Variants in TENM1 observed in about 807,000 individuals in gnomAD.
The protein encoded by TENM1 is teneurin-1.
TENM1 carries 35 observed loss-of-function variants against 174.8 expected under a neutral mutation model. The observed-to-expected ratio is 0.20, with a 90% CI of 0.15 to 0.27. TENM1 has a LOEUF of 0.27. TENM1 is among the 10% of genes least tolerant of loss of function. TENM1 has a pLI of 1.00. For missense variants in TENM1, 1,633 were observed against 2,130.1 expected (o/e 0.77, Z 4.59); for synonymous variants, 781 against 798.7 (o/e 0.98, Z 0.37).
At chrX:124,588,562 G>A (rs1372585008) in intron 11 of TENM1, among the ~76,000 whole-genome samples, 2 of 108,734 alleles carry the variant, frequency 1.8e-5, no homozygotes, top group Non-Finnish European at 3.8e-5. Flanking sequence ...GGAGTGGGGA[G>A]GGATAGCTTT....
chrX:124,754,433 C>T (rs1332681346), intron 3 of TENM1, among the ~76,000 whole-genome samples: 1 of 111,422 alleles, frequency 9.0e-6, no homozygotes. Flanking sequence ...CCTATCAAAA[C>T]ACCAGCTCCT....
chrX:125,026,482 C>A, the TENM1 span, among the ~76,000 whole-genome samples: 1 of 111,600 alleles, frequency 9.0e-6, no homozygotes, highest in South Asian at 3.7e-4. Context: ...GAGAAATAAA[C>A]CCCTGTCTAT....
chrX:124,840,220 G>T lies in TENM1; in HGVS notation c.535+54076C>A, dbSNP rs191268930. Among the ~76,000 whole-genome samples, 1,079 of 111,479 alleles carry T rather than the reference G, an allele frequency of 9.7e-3. 11 individuals carry two copies. The highest frequency in any genetic ancestry group is 0.046 in the Middle Eastern group (10 of 217). ...GATGTCATTGGAACTTATAACATGA[G>T]ATTCTCTTATGGGCAAAAACCACTT... On this transcript the variant is annotated intron_variant, in intron 3 of 31. Coordinates refer to ENST00000422452, the Ensembl canonical transcript of TENM1.
intron 1 of TENM1, among the ~76,000 whole-genome samples, chrX:124,920,521 G>A (rs912749446): frequency 7.2e-5 from 8 of 111,140 alleles, no homozygotes; most frequent in Non-Finnish European, 1.5e-4. Context: ...TATTCTTTCT[G>A]TAAGATAAAT....
chrX:124,965,144 C>T (rs2058709583), upstream of TENM1, among the ~76,000 whole-genome samples: 2 of 111,809 alleles, frequency 1.8e-5, no homozygotes, highest in East Asian at 2.8e-4. Flanking sequence ...GTGGTGCGAT[C>T]TCGGCTCACT....
chrX:124,817,761 T>A (rs939241725), intron 3 of TENM1, among the ~76,000 whole-genome samples: 3 of 111,655 alleles, frequency 2.7e-5, no homozygotes, highest in Non-Finnish European at 5.6e-5. Context: ...AATGAGAGAG[T>A]TGGCAGAGGA....
chrX:124,813,017 CA>C (rs1245417650), intron 3 of TENM1, among the ~76,000 whole-genome samples: 1 of 110,485 alleles, frequency 9.1e-6, no homozygotes, highest in Non-Finnish European at 1.9e-5. Context: ...TGATAAAAGA[CA>C]AATAACAAAC....
intron 3 of TENM1, among the ~76,000 whole-genome samples, chrX:124,845,925 GC>G (rs1008667761): frequency 1.7e-4 from 19 of 110,277 alleles, no homozygotes; most frequent in African/African-American, 5.6e-4. Flanking sequence ...TAAAAGCTTT[GC>G]GTGAATATGC....
At chrX:124,782,715 G>C (rs2054942370) in intron 3 of TENM1, among the ~76,000 whole-genome samples, 1 of 109,715 alleles carries the variant, frequency 9.1e-6, no homozygotes, top group Non-Finnish European at 1.9e-5. Context: ...CTATGTCATA[G>C]CATTAACTAC....
exon 17 of TENM1, chrX:124,523,428 G>A: frequency 8.3e-7 from 1 of 1,211,637 alleles, no homozygotes; most frequent in Non-Finnish European, 1.1e-6. Context: ...GAGCGGTGAA[G>A]GAAGCACAAT....
the TENM1 span, among the ~76,000 whole-genome samples, chrX:125,036,187 G>A: frequency 1.9e-4 from 21 of 111,660 alleles, no homozygotes; most frequent in East Asian, 4.3e-3. Context: ...TTGGCACTTC[G>A]TCAAAATTTT....
chrX:125,023,234 T>C, the TENM1 span, among the ~76,000 whole-genome samples: 1 of 111,267 alleles, frequency 9.0e-6, no homozygotes, highest in Non-Finnish European at 1.9e-5. Context: ...TGAATTCTCA[T>C]GAGATCTGAT....
At chrX:124,462,582 G>A (rs2061190948) in intron 22 of TENM1, among the ~76,000 whole-genome samples, 1 of 110,260 alleles carries the variant, frequency 9.1e-6, no homozygotes, top group Non-Finnish European at 1.9e-5. Flanking sequence ...GCAAACTCCA[G>A]TTCATTGTGG....
At chrX:124,864,872 G>T (rs1255397389) in intron 3 of TENM1, among the ~76,000 whole-genome samples, 1 of 109,017 alleles carries the variant, frequency 9.2e-6, no homozygotes, top group East Asian at 2.9e-4. Context: ...AAAGAGAAAA[G>T]AAACATACAA....
intron 25 of TENM1, among the ~76,000 whole-genome samples, chrX:124,407,189 A>G (rs2147684002): frequency 9.7e-6 from 1 of 102,665 alleles, no homozygotes; most frequent in East Asian, 3.0e-4. Context: ...AGCTATATCT[A>G]GAAATATAGT....
At chrX:124,439,948 G>T (rs888878095) in intron 23 of TENM1, among the ~76,000 whole-genome samples, 3 of 111,186 alleles carry the variant, frequency 2.7e-5, no homozygotes, top group African/African-American at 9.8e-5. Context: ...TTTCCCAGGG[G>T]CACACACCTA....
intron 3 of TENM1, among the ~76,000 whole-genome samples, chrX:124,764,363 G>A (rs2148612184): frequency 9.0e-6 from 1 of 111,557 alleles, no homozygotes; most frequent in Non-Finnish European, 1.9e-5. Flanking sequence ...AGGTAAGCAA[G>A]GAAGCCAATG....
the TENM1 span, among the ~76,000 whole-genome samples, chrX:125,169,442 CT>C: frequency 9.0e-6 from 1 of 111,700 alleles, no homozygotes; most frequent in Admixed American, 9.5e-5. Context: ...CCACACATGG[CT>C]GGTATAAATC....
At chrX:124,956,573 G>C (rs1386024310) in intron 1 of TENM1, among the ~76,000 whole-genome samples, 1 of 111,963 alleles carries the variant, frequency 8.9e-6, no homozygotes, top group African/African-American at 3.2e-5. Context: ...AATACTTATT[G>C]AATGAATTTT....
Sources: allele counts gnomAD v4.1 joint callset (sites outside exome capture counted in the v4.1 genomes callset), GRCh38; gene constraint gnomAD v4.1.1; transcripts MANE v1.5; gene names NCBI Gene and HGNC (gene_info 2026-07-23, HGNC 2026-07-21).